BET1: variants seen among roughly 807,000 people sequenced by gnomAD.
The protein encoded by BET1 is BET1 homolog.
Under a neutral mutation model 13.9 loss-of-function variants are expected in BET1, and 9 were observed. That is an observed-to-expected ratio of 0.65 (90% CI 0.39 to 1.13). The LOEUF is 1.13. Ranked by LOEUF, BET1 falls within the 50% of genes most tolerant of loss-of-function variation. The pLI, the probability that BET1 is intolerant of heterozygous loss-of-function variation, is 0.01. For missense variants in BET1, 127 were observed against 133.6 expected (o/e 0.95, Z 0.24); for synonymous variants, 39 against 47.3 (o/e 0.82, Z 0.72).
chr7:93,999,600 C>A, intron 1 of BET1: 1 of 466,522 alleles, frequency 2.1e-6, no homozygotes, highest in Non-Finnish European at 4.2e-6. Flanking sequence ...GGATACATTC[C>A]CTGCTCAAGA....
chr7:93,965,769 C>G (rs1165448244), intron 6 of BET1: 1 of 151,998 alleles, frequency 6.6e-6, no homozygotes, highest in Non-Finnish European at 1.5e-5. Flanking sequence ...TGAAACTCAG[C>G]AGTAACCAAA....
chr7:93,980,335 A>G (rs989920186), intron 4 of BET1, among the ~76,000 whole-genome samples: 8 of 152,134 alleles, frequency 5.3e-5, no homozygotes, highest in Non-Finnish European at 1.2e-4. Flanking sequence ...AACAACAACA[A>G]CAAACAACTA....
At chr7:93,991,828 T>G (rs1252113490), downstream of BET1, 7 of 963,904 alleles carry the variant, frequency 7.3e-6, no homozygotes, top group Non-Finnish European at 7.4e-6. Context: ...ATGACATTAT[T>G]TATTATTTAT....
intron 4 of BET1, among the ~76,000 whole-genome samples, chr7:93,984,570 C>T (rs1158875176): frequency 1.3e-5 from 2 of 151,620 alleles, no homozygotes; most frequent in Non-Finnish European, 2.9e-5. Context: ...AGATAAATGT[C>T]GTGGGTTAAA....
intron 4 of BET1, chr7:93,987,355 C>T (rs544412484): frequency 4.5e-4 from 69 of 152,246 alleles, no homozygotes; most frequent in African/African-American, 1.3e-3. Flanking sequence ...CTCTACAAAA[C>T]CATTTCAAAT....
chr7:94,002,710 C>G (rs150800229), intron 1 of BET1, among the ~76,000 whole-genome samples: 1 of 152,022 alleles, frequency 6.6e-6, no homozygotes. Context: ...AATCCAAACT[C>G]TTTGGCCTCG....
chr7:93,992,519 G>T, downstream of BET1: 1 of 985,038 alleles, frequency 1.0e-6, no homozygotes, highest in Non-Finnish European at 1.2e-6. Flanking sequence ...TGAATCTCCC[G>T]TGAGCTCTGG....
chr7:93,965,203 TAC>T (rs1795154974), exon 7 of BET1: 1 of 152,096 alleles, frequency 6.6e-6, no homozygotes, highest in African/African-American at 2.4e-5. Flanking sequence ...TTTGAGGAAT[TAC>T]AGACTTGAAG....
At chr7:93,999,723 T>C (rs989538521) in intron 1 of BET1, 10 of 456,454 alleles carry the variant, frequency 2.2e-5, no homozygotes, top group Non-Finnish European at 4.4e-5. Context: ...CGGGAGCTCA[T>C]AGCGGCGAGG....
chr7:93,963,958 C>G (rs1223983019), exon 7 of BET1: 1 of 151,942 alleles, frequency 6.6e-6, no homozygotes, highest in Non-Finnish European at 1.5e-5. Context: ...CCCAGCTACT[C>G]AGGAGGCTGA....
At chr7:93,977,837 C>T (rs185475694) in intron 4 of BET1, among the ~76,000 whole-genome samples, 2 of 152,104 alleles carry the variant, frequency 1.3e-5, no homozygotes, top group Non-Finnish European at 1.5e-5. Context: ...TTAATGACCA[C>T]CCCATCATAT....
chr7:93,967,540 G>T (rs981267955), intron 6 of BET1, among the ~76,000 whole-genome samples: 1 of 151,690 alleles, frequency 6.6e-6, no homozygotes, highest in Non-Finnish European at 1.5e-5. Flanking sequence ...TAAATGACAG[G>T]TTTTTTGTCT....
intron 4 of BET1, among the ~76,000 whole-genome samples, chr7:93,980,049 T>C (rs910527159): frequency 3.9e-5 from 6 of 152,118 alleles, no homozygotes; most frequent in African/African-American, 1.4e-4. Flanking sequence ...GATAAATTCC[T>C]AGAAACCTAC....
intron 4 of BET1, among the ~76,000 whole-genome samples, chr7:93,983,772 A>AT (rs1795472570): frequency 6.6e-6 from 1 of 152,204 alleles, no homozygotes. Flanking sequence ...AGAAAAAAAA[A>AT]GGAAAAGAAA....
At chr7:93,979,029 C>T (rs1795384259) in intron 4 of BET1, among the ~76,000 whole-genome samples, 1 of 152,166 alleles carries the variant, frequency 6.6e-6, no homozygotes. Flanking sequence ...CCTATCCCTG[C>T]AAAATAATTG....
chr7:93,976,273 T>C (rs1795334363), intron 4 of BET1, among the ~76,000 whole-genome samples: 1 of 152,140 alleles, frequency 6.6e-6, no homozygotes, highest in Admixed American at 6.6e-5. Flanking sequence ...CATTATTTTA[T>C]CCTGCTTCCC....
At chr7:93,974,150 C>T (rs1018049518) in intron 5 of BET1, among the ~76,000 whole-genome samples, 11 of 151,544 alleles carry the variant, frequency 7.3e-5, no homozygotes, top group Admixed American at 5.3e-4. Context: ...TAGAATAAAC[C>T]CTGTAGTATT....
intron 4 of BET1, among the ~76,000 whole-genome samples, chr7:93,976,350 G>A (rs1411662576): frequency 6.7e-6 from 1 of 149,160 alleles, no homozygotes; most frequent in Non-Finnish European, 1.5e-5. Flanking sequence ...CTTATTGTGT[G>A]TGTGTGTGTG....
Position 93,984,838 on chromosome 7 carries a change from A to G in BET1, c.236-8738T>C, listed in dbSNP as rs989500884. Among the ~76,000 whole-genome samples, 4 of 152,190 alleles carry G rather than the reference A, an allele frequency of 2.6e-5. No homozygotes were observed. In the South Asian group the frequency reaches 8.3e-4, roughly 31 times the overall value. On this transcript the variant is annotated intron_variant and NMD_transcript_variant, in intron 4 of 6. Coordinates refer to the BET1 transcript ENST00000357520. ...CTAGAAAACTTAGTCATGTATTAGT[A>G]CTATAATCCTCACAGGACAAAAGAA... is the stretch of plus-strand genomic sequence containing the variant.
Sources: allele counts gnomAD v4.1 joint callset (sites outside exome capture counted in the v4.1 genomes callset), GRCh38; gene constraint gnomAD v4.1.1; transcripts MANE v1.5; gene names NCBI Gene and HGNC (gene_info 2026-07-23, HGNC 2026-07-21).